The following CDH13 variants were observed in gnomAD, a reference collection of about 807,000 sequenced individuals.
The protein encoded by CDH13 is cadherin-13.
CDH13 carries 24 observed loss-of-function variants against 63.8 expected under a neutral mutation model. That is an observed-to-expected ratio of 0.38 (90% CI 0.27 to 0.53). The LOEUF (loss-of-function observed/expected upper bound fraction) is 0.53, where lower values mean the gene tolerates loss of function less well. Among genes scored for constraint, CDH13 ranks in the 20% least tolerant of loss-of-function variants. The probability of loss-of-function intolerance (pLI) is 0.85; values close to 1 mark genes in which losing one functional copy is unlikely to be tolerated. For missense variants in CDH13, 1,049 were observed against 903.1 expected, an observed-to-expected ratio of 1.16 and a Z score of -2.07; for synonymous variants, 503 against 355.3, an observed-to-expected ratio of 1.42 and a Z score of -4.67.
At chr16:83,158,433 C>G (rs557583486) in intron 4 of CDH13, among the ~76,000 whole-genome samples, 1 of 152,284 alleles carries the variant, frequency 6.6e-6, no homozygotes, top group African/African-American at 2.4e-5. Flanking sequence ...GCACAGGGCC[C>G]GGTGGAGGCT....
At chr16:83,791,648 T>A (rs1028890363) in intron 13 of CDH13, among the ~76,000 whole-genome samples, 1 of 151,646 alleles carries the variant, frequency 6.6e-6, no homozygotes, top group African/African-American at 2.4e-5. Flanking sequence ...CCATCTCTAC[T>A]AAAAATACAA....
intron 6 of CDH13, among the ~76,000 whole-genome samples, chr16:83,346,976 C>T (rs763345833): frequency 6.6e-6 from 1 of 152,154 alleles, no homozygotes; most frequent in Non-Finnish European, 1.5e-5. Flanking sequence ...TGTTTTCTTT[C>T]TCAGCACCCT....
chr16:82,962,602 T>C (rs1235025940), intron 2 of CDH13, among the ~76,000 whole-genome samples: 1 of 152,018 alleles, frequency 6.6e-6, no homozygotes, highest in Non-Finnish European at 1.5e-5. Context: ...AGTAGGAAGG[T>C]CTAGAAGAGA....
At chr16:82,941,310 C>A (rs1055548164) in intron 2 of CDH13, among the ~76,000 whole-genome samples, 1 of 152,172 alleles carries the variant, frequency 6.6e-6, no homozygotes, top group African/African-American at 2.4e-5. Context: ...ATCTCCCATT[C>A]AGTGAAATCT....
intron 11 of CDH13, among the ~76,000 whole-genome samples, chr16:83,752,506 T>C (rs916732134): frequency 4.6e-5 from 7 of 152,214 alleles, no homozygotes; most frequent in African/African-American, 7.2e-5. Flanking sequence ...AAAATTTCTG[T>C]GTGGAAGCAG....
At chr16:83,369,000 A>G (rs77827943) in intron 6 of CDH13, among the ~76,000 whole-genome samples, 21,652 of 140,600 alleles carry the variant, frequency 0.15, 2,604 homozygotes, top group African/African-American at 0.33. Flanking sequence ...TGTTCTTGCA[A>G]TTGCAAATTG....
At chr16:83,099,544 G>A (rs150623222) in intron 3 of CDH13, among the ~76,000 whole-genome samples, 17 of 144,014 alleles carry the variant, frequency 1.2e-4, no homozygotes, top group African/African-American at 2.5e-4. Flanking sequence ...GGCTGGTCTC[G>A]AAGTCCTAAC....
chr16:83,010,417 G>T (rs892053073), intron 2 of CDH13, among the ~76,000 whole-genome samples: 1 of 152,010 alleles, frequency 6.6e-6, no homozygotes, highest in Admixed American at 6.6e-5. Context: ...GAAATGTAGG[G>T]TTTTTTTGGC....
chr16:82,708,363 G>A (rs1853476742), intron 1 of CDH13, among the ~76,000 whole-genome samples: 1 of 152,180 alleles, frequency 6.6e-6, no homozygotes, highest in South Asian at 2.1e-4. Context: ...GGCATAAGGG[G>A]ATGCAAGAAA....
chr16:83,667,667 A>T (rs1374075113), intron 8 of CDH13, among the ~76,000 whole-genome samples: 1 of 152,002 alleles, frequency 6.6e-6, no homozygotes, highest in Non-Finnish European at 1.5e-5. Flanking sequence ...CACAAAAATA[A>T]TTTTTTCTGA....
At chr16:82,652,647 G>A (rs1353487449) in intron 1 of CDH13, among the ~76,000 whole-genome samples, 4 of 149,908 alleles carry the variant, frequency 2.7e-5, no homozygotes, top group African/African-American at 7.3e-5. Flanking sequence ...TGCTGCTGCT[G>A]CTGCTGCTGC....
At chr16:83,374,794 C>A (rs375450203) in intron 6 of CDH13, among the ~76,000 whole-genome samples, 1 of 152,204 alleles carries the variant, frequency 6.6e-6, no homozygotes, top group Non-Finnish European at 1.5e-5. Flanking sequence ...ATCTAGTCTC[C>A]TGTTCTCACA....
intron 1 of CDH13, among the ~76,000 whole-genome samples, chr16:82,718,484 G>A (rs2032539847): frequency 6.6e-6 from 1 of 152,196 alleles, no homozygotes. Flanking sequence ...AGAAGAAGGA[G>A]AAAGTGTTAA....
At chr16:82,830,527 G>A (rs553789926) in intron 1 of CDH13, among the ~76,000 whole-genome samples, 7 of 152,180 alleles carry the variant, frequency 4.6e-5, no homozygotes, top group South Asian at 2.1e-4. Flanking sequence ...CTACAGTGTC[G>A]TTTGCTTGTG....
intron 3 of CDH13, among the ~76,000 whole-genome samples, chr16:83,089,276 C>T (rs372228704): frequency 6.6e-6 from 1 of 152,188 alleles, no homozygotes; most frequent in Non-Finnish European, 1.5e-5. Flanking sequence ...AGCGTATAGA[C>T]TTTTGGTCCT....
At chr16:83,192,058 A>G (rs529621096) in intron 4 of CDH13, among the ~76,000 whole-genome samples, 2 of 152,278 alleles carry the variant, frequency 1.3e-5, no homozygotes, top group East Asian at 3.9e-4. Flanking sequence ...CCCACCAGCA[A>G]TCTGCACGGA....
intron 1 of CDH13, among the ~76,000 whole-genome samples, chr16:82,642,596 C>G (rs188114776): frequency 3.0e-4 from 46 of 152,294 alleles, no homozygotes; most frequent in African/African-American, 1.0e-3. Context: ...ACAATCTCCA[C>G]CAGACTGTGC....
intron 5 of CDH13, among the ~76,000 whole-genome samples, chr16:83,297,372 AATT>A (rs1178271764): frequency 6.6e-6 from 1 of 152,182 alleles, no homozygotes; most frequent in Non-Finnish European, 1.5e-5. Context: ...ATTGTACGTC[AATT>A]ATTATGTGTC....
At chr16:83,141,811 C>G (rs1181252371) in intron 4 of CDH13, among the ~76,000 whole-genome samples, 1 of 152,178 alleles carries the variant, frequency 6.6e-6, no homozygotes, top group Non-Finnish European at 1.5e-5. Flanking sequence ...ATGATGGCTT[C>G]CAGCTTTATC....
Sources: gnomAD v4.1 joint callset for allele counts (sites outside exome capture counted in the v4.1 genomes callset) on GRCh38, gnomAD v4.1.1 for gene constraint, MANE v1.5 for transcripts, NCBI Gene and HGNC (gene_info 2026-07-23, HGNC 2026-07-21) for gene names.